Variants in PPP1R1C observed in about 807,000 individuals in gnomAD.
PPP1R1C encodes the protein protein phosphatase 1 regulatory subunit 1C.
Under a neutral mutation model 17.4 loss-of-function variants are expected in PPP1R1C, and 15 were observed. The observed-to-expected ratio is 0.86, with a 90% confidence interval of 0.58 to 1.33. PPP1R1C has a LOEUF of 1.33. Ranked by LOEUF, PPP1R1C falls within the 40% of genes most tolerant of loss-of-function variation. PPP1R1C has a pLI of 0.00. For synonymous variants in PPP1R1C, 35 were observed against 43.1 expected, an observed-to-expected ratio of 0.81 and a Z score of 0.73; for missense variants, 143 against 130.0, an observed-to-expected ratio of 1.10 and a Z score of -0.48.
At chr2:182,005,570 G>C (rs16822341) in intron 2 of PPP1R1C, among the ~76,000 whole-genome samples, 2,826 of 152,260 alleles carry the variant, frequency 0.019, 83 homozygotes, top group African/African-American at 0.065. Flanking sequence ...TTGAAGATTT[G>C]TGAGTTAGAA....
rs1341617101 is a variant in PPP1R1C, at chr2:182,000,945, G to A, written c.142+13046G>A. On this transcript the variant is annotated intron_variant, in intron 2 of 4. Transcript: ENST00000682840. ...TCTGGATAGGATGGCTGCAAATAAA[G>A]CTCTGAGGATGGAGCAACCCTCACT... 5.3e-5 allele frequency among the ~76,000 whole-genome samples: 8 copies of A among 152,248 alleles called. No homozygotes were observed. In the South Asian group the frequency reaches 1.7e-3, roughly 32 times the overall value.
At chr2:182,125,486 T>C (rs551111926) in intron 5 of PPP1R1C, among the ~76,000 whole-genome samples, 29 of 152,252 alleles carry the variant, frequency 1.9e-4, no homozygotes, top group African/African-American at 6.0e-4. Flanking sequence ...CCAGCTCCTC[T>C]TTGTACCTCT....
chr2:181,980,935 T>C (rs185866738), upstream of PPP1R1C, among the ~76,000 whole-genome samples: 2 of 151,030 alleles, frequency 1.3e-5, no homozygotes, highest in Middle Eastern at 3.4e-3. Flanking sequence ...AAGTTTTTTT[T>C]TTTTTTTTTT....
intron 2 of PPP1R1C, among the ~76,000 whole-genome samples, chr2:182,053,211 T>C (rs2125189983): frequency 6.6e-6 from 1 of 152,340 alleles, no homozygotes; most frequent in South Asian, 2.1e-4. Flanking sequence ...TCCTCCATCT[T>C]CCATTCTGTT....
chr2:181,979,294 A>G (rs766467708), intron 2 of PPP1R1C, among the ~76,000 whole-genome samples: 4 of 152,164 alleles, frequency 2.6e-5, no homozygotes, highest in African/African-American at 7.2e-5. Flanking sequence ...TCATTGTTCC[A>G]ACTCTCTCTT....
At chr2:181,971,922 C>T (rs1039254651) in intron 1 of PPP1R1C, among the ~76,000 whole-genome samples, 1 of 152,162 alleles carries the variant, frequency 6.6e-6, no homozygotes, top group Admixed American at 6.5e-5. Context: ...TTTGCTGCAC[C>T]ACATGGCCAC....
chr2:182,022,206 T>G (rs1686449456), intron 2 of PPP1R1C, among the ~76,000 whole-genome samples: 1 of 152,236 alleles, frequency 6.6e-6, no homozygotes, highest in African/African-American at 2.4e-5. Flanking sequence ...GAAAATTTTT[T>G]GGTTAACACC....
At chr2:182,095,562 C>T (rs16822550) in intron 4 of PPP1R1C, among the ~76,000 whole-genome samples, 6,855 of 152,244 alleles carry the variant, frequency 0.045, 521 homozygotes, top group African/African-American at 0.16. Flanking sequence ...TCCTTTATCA[C>T]TTCTGTCACT....
At chr2:182,096,041 G>A (rs918216108) in intron 4 of PPP1R1C, among the ~76,000 whole-genome samples, 1 of 149,710 alleles carries the variant, frequency 6.7e-6, no homozygotes. Context: ...AAGAAAGACA[G>A]ATTAAAAAGA....
At chr2:182,063,624 A>G in intron 3 of PPP1R1C, 107 bp from the exon 4 acceptor site, 1 of 845,620 alleles carries the variant, frequency 1.2e-6, no homozygotes, top group Non-Finnish European at 2.0e-6. Context: ...GGGAGAAATC[A>G]GAAAGCTTTT....
intron 2 of PPP1R1C, among the ~76,000 whole-genome samples, chr2:182,026,530 C>T (rs1363688383): frequency 2.7e-5 from 4 of 147,980 alleles, no homozygotes; most frequent in South Asian, 2.3e-4. Context: ...AGATATGCGG[C>T]GTTATTTCTG....
intron 4 of PPP1R1C, among the ~76,000 whole-genome samples, chr2:182,081,519 T>C (rs943406012): frequency 6.6e-6 from 1 of 152,176 alleles, no homozygotes; most frequent in African/African-American, 2.4e-5. Flanking sequence ...AATCAACATA[T>C]ATTCAGCACC....
intron 2 of PPP1R1C, among the ~76,000 whole-genome samples, chr2:182,041,766 G>A (rs1345274717): frequency 2.0e-5 from 3 of 151,980 alleles, no homozygotes; most frequent in East Asian, 1.9e-4. Flanking sequence ...ACATACGTCC[G>A]TATGTTCTTT....
intron 2 of PPP1R1C, among the ~76,000 whole-genome samples, chr2:182,043,025 C>T (rs1007318781): frequency 6.6e-6 from 1 of 152,158 alleles, no homozygotes; most frequent in Non-Finnish European, 1.5e-5. Context: ...ATGTAAGCAA[C>T]TGCAAACAAT....
intron 1 of PPP1R1C, among the ~76,000 whole-genome samples, chr2:181,959,525 CT>C (rs757462745): frequency 9.9e-5 from 15 of 152,068 alleles, no homozygotes; most frequent in Non-Finnish European, 2.1e-4. Flanking sequence ...TTTAGGTTGG[CT>C]AGTCTTTAGC....
chr2:182,057,934 A>AT (rs1211987112), intron 2 of PPP1R1C, among the ~76,000 whole-genome samples: 1 of 152,136 alleles, frequency 6.6e-6, no homozygotes, highest in Non-Finnish European at 1.5e-5. Context: ...AATGGGCTTA[A>AT]TTTTTTTAAA....
chr2:182,127,472 T>TAGTG (rs1301940858), intron 5 of PPP1R1C, among the ~76,000 whole-genome samples: 2 of 152,090 alleles, frequency 1.3e-5, no homozygotes, highest in Non-Finnish European at 2.9e-5. Flanking sequence ...AGGACTGGAA[T>TAGTG]AGTGAATCAA....
intron 4 of PPP1R1C, among the ~76,000 whole-genome samples, chr2:182,102,985 A>G (rs539126898): frequency 6.3e-4 from 95 of 151,790 alleles, no homozygotes; most frequent in African/African-American, 1.9e-3. Flanking sequence ...TTATTTTTTT[A>G]TAGAGATGGG....
chr2:182,076,192 CTTTTCTTTTTT>C (rs1688297294), intron 4 of PPP1R1C, among the ~76,000 whole-genome samples: 1 of 25,838 alleles, frequency 3.9e-5, no homozygotes, highest in African/African-American at 1.6e-4. Context: ...TTTTTTTTTT[CTTTTCTTTTTT>C]TTTTTTTTTT....
Sources: allele counts gnomAD v4.1 joint callset (sites outside exome capture counted in the v4.1 genomes callset), GRCh38; gene constraint gnomAD v4.1.1; transcripts MANE v1.5; gene names NCBI Gene and HGNC (gene_info 2026-07-23, HGNC 2026-07-21).